Variants in ZNF616 observed in about 807,000 individuals in gnomAD.
ZNF616 encodes zinc finger protein 616.
Under a neutral mutation model 7.6 loss-of-function variants are expected in ZNF616, and 5 were observed. The ratio of observed to expected loss-of-function variants is 0.66; its 90% CI spans 0.34 to 1.38. The LOEUF (loss-of-function observed/expected upper bound fraction) is 1.38. ZNF616 is among the 40% of genes most tolerant of loss of function. The probability of loss-of-function intolerance (pLI) is 0.04; values close to 1 mark genes in which losing one functional copy is unlikely to be tolerated. For missense variants in ZNF616, 913 were observed against 948.3 expected (o/e 0.96, Z 0.49); for synonymous variants, 319 against 317.2 (o/e 1.01, Z -0.06).
rs750231472 is a variant in ZNF616, at chr19:52,116,456, TG to T, written c.707del (p.Thr236LysfsTer22). Reference sequence around the variant, plus strand: ...CATCACATTGATATGATTTCCCTCTTGTATGGACTACCTTGTGTACAGTTAG... The same window carrying T: ...CATCACATTGATATGATTTCCCTCTTTATGGACTACCTTGTGTACAGTTAG... Reference protein sequence around the residue: ...SLLTVHKVVHTRGKSYQCDVC... With the variant: ...SLLTVHKVVHXRGKSYQCDVC... On this transcript the variant is annotated frameshift_variant, in exon 4 of 4. Transcript: ENST00000600228. LOFTEE classifies it low-confidence loss of function (END_TRUNC). 4 of 1,614,000 alleles carry T rather than the reference TG, an allele frequency of 2.5e-6. No individual in the cohort carries two copies. In the African/African-American group the frequency reaches 5.3e-5, roughly 22 times the overall value.
rs1160202860 is a variant in ZNF616 at position 52,113,464 on chromosome 19, C to CT, written c.*1353dup. On this transcript the variant is annotated 3_prime_UTR_variant, in exon 4 of 4. Transcript: ENST00000600228. Reference sequence around the variant, plus strand: ...AGGCGTGGACATTGGTTTTGTCTCACTTTAAGTTCTGGGTACATGTGCACA... The same window carrying CT: ...AGGCGTGGACATTGGTTTTGTCTCACTTTTAAGTTCTGGGTACATGTGCACA... 3.3e-5 allele frequency: 5 copies of CT among 152,306 alleles called. No homozygotes were observed. Among genetic ancestry groups the CT allele is most frequent in the African/African-American group, 1.2e-4 (5 of 41,572 alleles). The allele number at this position is 152,306 out of a possible 1,614,324, so 9.4% of individuals were successfully genotyped here.
At chr19:52,138,008 G>A (rs1357157113) in intron 1 of ZNF616, among the ~76,000 whole-genome samples, 1 of 152,180 alleles carries the variant, frequency 6.6e-6, no homozygotes, top group Non-Finnish European at 1.5e-5. Flanking sequence ...ATACATTGTA[G>A]GCCTGTAGAG....
rs1230917326 is a variant in ZNF616 at position 52,114,901 on chromosome 19, T to C, written c.2263A>G (p.Ile755Val). 2 of 1,613,858 alleles carry C rather than the reference T, an allele frequency of 1.2e-6. No homozygotes were observed. The highest frequency in any genetic ancestry group is 1.3e-5 in the African/African-American group (1 of 74,922). The stretch of plus-strand genomic sequence containing the variant: ...TGTTTAGTGAGGCCTGAGCGACAAA[T>C]AAAAGATTTCCCACACTCATTACAT... ...YKCNECGKSF[I>V]CRSGLTKHRI... Residue 755 changes from isoleucine to valine, a missense_variant, in exon 4 of 4, where the codon ATT (isoleucine) becomes GTT (valine). By Grantham distance (29) the Ile-to-Val change is conservative. Coordinates refer to ENST00000600228, the MANE Select transcript of ZNF616 (RefSeq NM_178523.5).
chr19:52,120,766 C>T (rs1007586204), intron 3 of ZNF616, among the ~76,000 whole-genome samples: 1 of 151,936 alleles, frequency 6.6e-6, no homozygotes, highest in Non-Finnish European at 1.5e-5. Flanking sequence ...AGAAGATATA[C>T]CAATTATAGT....
chr19:52,121,613 AC>A (rs1254538658), intron 3 of ZNF616, among the ~76,000 whole-genome samples: 1 of 152,164 alleles, frequency 6.6e-6, no homozygotes, highest in East Asian at 1.9e-4. Context: ...AAATACAGCC[AC>A]AGATCTCCAA....
At chr19:52,124,396 T>C (rs1325345847) in intron 2 of ZNF616, among the ~76,000 whole-genome samples, 1 of 152,254 alleles carries the variant, frequency 6.6e-6, no homozygotes, top group Non-Finnish European at 1.5e-5. Context: ...TGACAATGTC[T>C]ACAGCGGCTT....
intron 2 of ZNF616, among the ~76,000 whole-genome samples, chr19:52,124,286 T>G (rs1164891331): frequency 6.6e-6 from 1 of 152,146 alleles, no homozygotes; most frequent in Non-Finnish European, 1.5e-5. Flanking sequence ...AATACACAAA[T>G]AAGAAAAACA....
intron 1 of ZNF616, among the ~76,000 whole-genome samples, chr19:52,131,264 C>CAAAA (rs61359785): frequency 0.023 from 900 of 39,744 alleles, 94 homozygotes; most frequent in African/African-American, 0.071. Context: ...ACTCTGTCAC[C>CAAAA]AAAAAAAAAA....
rs748781509 is a variant in ZNF616, at chr19:52,116,010, T to A, written c.1154A>T (p.Glu385Val). The A allele has an allele frequency of 6.2e-7, 1 of 1,614,216 alleles. No homozygotes were observed. The highest frequency in any genetic ancestry group is 8.5e-7 in the Non-Finnish European group (1 of 1,180,038). ...ACGTTTACTGAAGACCTTGCCACAT[T>A]CATTGCATTTGTATTGTTTCTCTCC... ...HSGEKQYKCN[E>V]CGKVFSKRSS... Residue 385 changes from glutamate to valine, a missense_variant, in exon 4 of 4, where the codon GAA becomes GTA. Glu to Val is a moderately radical substitution (Grantham distance 121). Transcript: ENST00000600228.
chr19:52,128,617 C>T (rs575685498), intron 2 of ZNF616, among the ~76,000 whole-genome samples: 11 of 151,898 alleles, frequency 7.2e-5, no homozygotes, highest in African/African-American at 2.4e-4. Flanking sequence ...TGGTGCATGC[C>T]TGTGGTCCCA....
At chr19:52,119,953 C>G (rs1350567371) in intron 3 of ZNF616, among the ~76,000 whole-genome samples, 1 of 152,058 alleles carries the variant, frequency 6.6e-6, no homozygotes, top group Non-Finnish European at 1.5e-5. Context: ...AATTTGATAA[C>G]AGCCATGAAG....
At chr19:52,130,064 C>A (rs1009162231) in intron 2 of ZNF616, among the ~76,000 whole-genome samples, 2 of 152,196 alleles carry the variant, frequency 1.3e-5, no homozygotes, top group African/African-American at 4.8e-5. Flanking sequence ...TGAGACACGG[C>A]GCCTGGCCCC....
At chr19:52,126,752 G>C (rs918146456) in intron 2 of ZNF616, among the ~76,000 whole-genome samples, 2 of 152,048 alleles carry the variant, frequency 1.3e-5, no homozygotes, top group Non-Finnish European at 2.9e-5. Flanking sequence ...CTGGGCGACA[G>C]AGCGAGACTC....
chr19:52,129,566 CT>C (rs2088939984), intron 2 of ZNF616, among the ~76,000 whole-genome samples: 1 of 152,102 alleles, frequency 6.6e-6, no homozygotes, highest in Non-Finnish European at 1.5e-5. Context: ...ACCGCAGTCT[CT>C]GTGAGATGGA....
chr19:52,137,435 A>G (rs905674218), intron 1 of ZNF616, among the ~76,000 whole-genome samples: 1 of 152,096 alleles, frequency 6.6e-6, no homozygotes, highest in African/African-American at 2.4e-5. Flanking sequence ...TCAAAAATAA[A>G]AAATAAAAAT....
At chr19:52,128,850 TA>T (rs113544255) in intron 2 of ZNF616, among the ~76,000 whole-genome samples, 32 of 145,920 alleles carry the variant, frequency 2.2e-4, no homozygotes, top group South Asian at 8.6e-4. Context: ...GTATGGATAG[TA>T]AAAAAAAAAG....
intron 3 of ZNF616, among the ~76,000 whole-genome samples, 181 bp from the exon 4 acceptor site, chr19:52,117,205 G>T (rs1277925897): frequency 6.6e-6 from 1 of 151,978 alleles, no homozygotes; most frequent in Non-Finnish European, 1.5e-5. Flanking sequence ...GTAAAGAAAG[G>T]GTGACTACAT....
At chr19:52,128,849 G>A (rs1167510826) in intron 2 of ZNF616, among the ~76,000 whole-genome samples, 4 of 144,126 alleles carry the variant, frequency 2.8e-5, no homozygotes, top group African/African-American at 1.1e-4. Flanking sequence ...GGTATGGATA[G>A]TAAAAAAAAA....
chr19:52,115,260 C>T lies in ZNF616; in HGVS notation c.1904G>A (p.Cys635Tyr), dbSNP rs760675976. The change falls in exon 4 of 4, where the codon TGC becomes TAC. Residue 635 changes from cysteine to tyrosine, a missense_variant. Transcript: ENST00000600228. The part of the protein sequence containing the change: ...RIHTGEKPYK[C>Y]NQCGNSFSQR... ...ACTAAAGGAATTCCCACACTGATTG[C>T]ATTTGTAAGGTTTCTCTCCGGTATG... 1 of 1,614,126 alleles carries T rather than the reference C, an allele frequency of 6.2e-7. No individual in the cohort carries two copies. The highest frequency in any genetic ancestry group is 1.1e-5 in the South Asian group (1 of 91,080).
Sources: allele counts gnomAD v4.1 joint callset (sites outside exome capture counted in the v4.1 genomes callset), GRCh38; gene constraint gnomAD v4.1.1; transcripts MANE v1.5; gene names NCBI Gene and HGNC (gene_info 2026-07-23, HGNC 2026-07-21).